FARP1: variants seen among roughly 807,000 people sequenced by gnomAD.
The protein encoded by FARP1 is FERM, ARH/RhoGEF and pleckstrin domain protein 1.
A neutral mutation model predicts 128.8 loss-of-function variants in FARP1; 52 were observed. The ratio of observed to expected loss-of-function variants is 0.40; its 90% CI spans 0.32 to 0.51. The LOEUF is 0.51. Among genes scored for constraint, FARP1 ranks in the 20% least tolerant of loss-of-function variants. The probability of loss-of-function intolerance (pLI) is 0.45; values close to 1 mark genes in which losing one functional copy is unlikely to be tolerated. For synonymous variants in FARP1, 580 were observed against 551.8 expected, an observed-to-expected ratio of 1.05 and a Z score of -0.72; for missense variants, 1,333 against 1,367.9, an observed-to-expected ratio of 0.97 and a Z score of 0.40.
At chr13:98,190,390 G>GA (rs1879142431) in intron 1 of FARP1, among the ~76,000 whole-genome samples, 1 of 152,068 alleles carries the variant, frequency 6.6e-6, no homozygotes, top group Admixed American at 6.5e-5. Flanking sequence ...AATCAGTGTT[G>GA]AAAAAGCTCC....
intron 2 of FARP1, among the ~76,000 whole-genome samples, chr13:98,296,655 A>G (rs1308073204): frequency 6.6e-6 from 1 of 151,096 alleles, no homozygotes; most frequent in Non-Finnish European, 1.5e-5. Flanking sequence ...GTAAACTGTA[A>G]AGGATTTTAC....
At position 98,277,148 on chromosome 13, in the gene FARP1, A is replaced by ACACACACACACACACCC. The variant is rs372627844; in HGVS notation, c.171+63736_171+63737insACACACACACACACCCC. ...CACACACACACACACACACACACAC[A>ACACACACACACACACCC]CCCCATATGTATATATTAGAAGCAG... On this transcript the variant is annotated intron_variant, in intron 2 of 26. Coordinates refer to ENST00000319562, the MANE Select transcript of FARP1 (RefSeq NM_005766.4). Among the ~76,000 whole-genome samples, 8 of 138,656 alleles carry ACACACACACACACACCC rather than the reference A, an allele frequency of 5.8e-5. No individual in the cohort carries two copies. The South Asian group carries it at 9.3e-4, about 16-fold the overall frequency. The allele number at this position is 138,656 out of a possible 152,430, so 91.0% of individuals were successfully genotyped here. A position where few individuals can be genotyped will look rare whatever the true frequency, so the allele number is the denominator to read the frequency against.
rs1892415313 is a variant in FARP1 at position 98,439,106 on chromosome 13, G to C, written c.2344-1G>C. The C allele has an allele frequency of 6.2e-7, 1 of 1,612,756 alleles. No homozygotes were observed. Among genetic ancestry groups the C allele is most frequent in the African/African-American group, 1.3e-5 (1 of 74,898 alleles). On this transcript the variant is annotated splice_acceptor_variant, in intron 20 of 26. Transcript: ENST00000319562. LOFTEE classifies it high-confidence loss of function. Reference sequence around the variant, plus strand: ...CCTCCACACACTTCTGATTCCTCCAGTTCAACGACGTCCTGCTATACACGA... The same window carrying C: ...CCTCCACACACTTCTGATTCCTCCACTTCAACGACGTCCTGCTATACACGA...
At chr13:98,219,163 C>G (rs573624212) in intron 2 of FARP1, among the ~76,000 whole-genome samples, 24 of 152,262 alleles carry the variant, frequency 1.6e-4, no homozygotes, top group Non-Finnish European at 2.9e-4. Flanking sequence ...GTGACAGATT[C>G]TAGAGCTGGC....
In FARP1 at chr13:98,385,927, C is replaced by G. The variant is rs1184455599; in HGVS notation, c.759+113C>G. 3.5e-6 allele frequency: 4 copies of G among 1,156,316 alleles called. No homozygotes were observed. In the African/African-American group the frequency reaches 6.2e-5, roughly 18 times the overall value. The allele number at this position is 1,156,316 out of a possible 1,614,324, so 71.6% of individuals were successfully genotyped here. ...AAGACCTCTGATGGTTATTTTTCGG[C>G]GAACAAAGAAAAATTAACCTCATCT... On this transcript the variant is annotated intron_variant, in intron 8 of 26. Coordinates refer to ENST00000319562, the MANE Select transcript of FARP1 (RefSeq NM_005766.4).
At chr13:98,181,787 C>A (rs553563322) in intron 1 of FARP1, among the ~76,000 whole-genome samples, 1 of 151,928 alleles carries the variant, frequency 6.6e-6, no homozygotes, top group Non-Finnish European at 1.5e-5. Flanking sequence ...AGCCACTGTG[C>A]CTGGCCAATG....
chr13:98,418,274 TG>T (rs1260825749), intron 16 of FARP1, among the ~76,000 whole-genome samples: 2,663 of 148,860 alleles, frequency 0.018, 87 homozygotes, highest in African/African-American at 0.065. Context: ...TGTTTTGTTT[TG>T]TTTTTTGTTT....
intron 2 of FARP1, among the ~76,000 whole-genome samples, chr13:98,313,791 T>C (rs1413474873): frequency 1.3e-5 from 2 of 152,164 alleles, no homozygotes; most frequent in African/African-American, 2.4e-5. Context: ...GAAGGGATCA[T>C]AGGGAAGGAC....
intron 1 of FARP1, among the ~76,000 whole-genome samples, chr13:98,212,212 C>T (rs565749966): frequency 3.0e-4 from 46 of 152,318 alleles, no homozygotes; most frequent in African/African-American, 1.1e-3. Context: ...CATGCCACCA[C>T]ACCTGGCTAA....
At chr13:98,325,918 A>C (rs1349394807) in intron 2 of FARP1, among the ~76,000 whole-genome samples, 2 of 152,276 alleles carry the variant, frequency 1.3e-5, no homozygotes, top group East Asian at 1.9e-4. Context: ...ATTTTAGCAG[A>C]GAAAACAAAG....
At chr13:98,393,216 C>T (rs1253365521) in intron 11 of FARP1, among the ~76,000 whole-genome samples, 5 of 152,156 alleles carry the variant, frequency 3.3e-5, no homozygotes, top group Non-Finnish European at 7.4e-5. Context: ...GTAATTGCCT[C>T]TGTTATAGAA....
rs535516897 is a variant in FARP1, at chr13:98,404,660, T to G, written c.1415-4678T>G. 2.8e-3 allele frequency: 427 copies of G among 152,332 alleles called. 4 individuals carry two copies. The highest frequency in any genetic ancestry group is 9.3e-3 in the African/African-American group (388 of 41,562). The allele number at this position is 152,332 out of a possible 1,614,324, so 9.4% of individuals were successfully genotyped here. A position where few individuals can be genotyped will look rare whatever the true frequency, so the allele number is the denominator to read the frequency against. ...ATTCTGGGCACATAGAGAGAAAATC[T>G]CCTATGTTTTAGAACAGAATAAAAG... is the stretch of plus-strand genomic sequence containing the variant. On this transcript the variant is annotated intron_variant, in intron 13 of 26. Coordinates refer to ENST00000319562, the MANE Select transcript of FARP1 (RefSeq NM_005766.4).
At chr13:98,369,790 C>A (rs1889252486) in intron 5 of FARP1, among the ~76,000 whole-genome samples, 2 of 152,170 alleles carry the variant, frequency 1.3e-5, no homozygotes, top group South Asian at 4.1e-4. Flanking sequence ...GTTTAACCAG[C>A]CTAATTCTTG....
rs146859232 is a variant in FARP1 at position 98,195,737 on chromosome 13, C to T, written c.-23-17483C>T. 3.9e-5 allele frequency among the ~76,000 whole-genome samples: 6 copies of T among 152,260 alleles called. No homozygotes were observed. The East Asian group carries it at 5.8e-4, about 15-fold the overall frequency. On this transcript the variant is annotated intron_variant, in intron 1 of 26. Coordinates refer to ENST00000319562, the MANE Select transcript of FARP1 (RefSeq NM_005766.4). ...ACTTTCATAATTTAGACCCATAAAA[C>T]GACTACCGGCCAGGTGTGGTGACTC...
At chr13:98,204,219 T>G (rs1880129606) in intron 1 of FARP1, 1 of 152,234 alleles carries the variant, frequency 6.6e-6, no homozygotes, top group African/African-American at 2.4e-5. Flanking sequence ...TGATAACACT[T>G]GTTATTGTCT....
chr13:98,425,445 A>G, intron 17 of FARP1: 1 of 151,820 alleles, frequency 6.6e-6, no homozygotes, highest in Non-Finnish European at 1.5e-5. Flanking sequence ...CCCAGGCTGG[A>G]GTGCAATGGC....
chr13:98,387,427 T>C (rs1039302736), intron 8 of FARP1, among the ~76,000 whole-genome samples: 3 of 152,382 alleles, frequency 2.0e-5, no homozygotes, highest in African/African-American at 7.2e-5. Flanking sequence ...TAATGTGCTT[T>C]GATTGTGTTT....
intron 1 of FARP1, among the ~76,000 whole-genome samples, chr13:98,162,809 C>A (rs1162101824): frequency 2.6e-5 from 4 of 152,082 alleles, no homozygotes; most frequent in Non-Finnish European, 2.9e-5. Context: ...ATCTTAAAAA[C>A]AAATACCCAT....
At chr13:98,221,813 G>A (rs1881429137) in intron 2 of FARP1, among the ~76,000 whole-genome samples, 1 of 152,146 alleles carries the variant, frequency 6.6e-6, no homozygotes, top group Admixed American at 6.5e-5. Context: ...ATCCTCTAGG[G>A]TAGGTCTTCT....
Sources: allele counts gnomAD v4.1 joint callset (sites outside exome capture counted in the v4.1 genomes callset), GRCh38; gene constraint gnomAD v4.1.1; transcripts MANE v1.5; gene names NCBI Gene and HGNC (gene_info 2026-07-23, HGNC 2026-07-21).